Variants in APLP2 observed in about 807,000 individuals in gnomAD.
APLP2 encodes amyloid beta precursor like protein 2.
Under a neutral mutation model 89.9 loss-of-function variants are expected in APLP2, and 53 were observed. That is an observed-to-expected ratio of 0.59 (90% confidence interval 0.47 to 0.74). APLP2 has a LOEUF of 0.74. Among genes scored for constraint, APLP2 ranks in the 30% least tolerant of loss-of-function variants. APLP2 has a pLI of 0.00. For missense variants in APLP2, 973 were observed against 975.9 expected (o/e 1.00, Z 0.04); for synonymous variants, 372 against 348.6 (o/e 1.07, Z -0.75).
intron 13 of APLP2, among the ~76,000 whole-genome samples, chr11:130,140,060 G>A (rs1479142219): frequency 1.3e-5 from 2 of 152,142 alleles, no homozygotes; most frequent in African/African-American, 4.8e-5. Context: ...TCCTACGATG[G>A]TGTGTATTTC....
At position 130,118,219 on chromosome 11, in the gene APLP2, T is replaced by TA. The variant is rs1949425722; in HGVS notation, c.404-2486dup. ...TAAAGTGCATTAACTGTTGCTTAAA[T>TA]ATACATTGCTTTATGAGTATGGTTG... is the stretch of plus-strand genomic sequence containing the variant. On this transcript the variant is annotated intron_variant, in intron 3 of 16. Transcript: ENST00000338167. Among the ~76,000 whole-genome samples, 5 of 152,372 alleles carry TA rather than the reference T, an allele frequency of 3.3e-5. No individual in the cohort carries two copies. In the South Asian group the frequency reaches 1.0e-3, roughly 32 times the overall value.
chr11:130,116,965 A>G (rs1949257773), intron 3 of APLP2, among the ~76,000 whole-genome samples: 1 of 152,018 alleles, frequency 6.6e-6, no homozygotes, highest in Non-Finnish European at 1.5e-5. Flanking sequence ...CCCCGTCTCT[A>G]CTAAAAATAG....
chr11:130,114,804 C>T (rs1475586971), intron 3 of APLP2, among the ~76,000 whole-genome samples: 1 of 152,160 alleles, frequency 6.6e-6, no homozygotes, highest in Non-Finnish European at 1.5e-5. Flanking sequence ...GATATGAAAA[C>T]TACTAAAGTT....
intron 8 of APLP2, 150 bp downstream of exon 8, chr11:130,126,980 T>TTC: frequency 1.0e-6 from 1 of 977,202 alleles, no homozygotes; most frequent in Admixed American, 2.6e-5. Context: ...TGGAGCTGCC[T>TTC]TCTGGGTGGA....
chr11:130,128,628 C>T (rs1950618666), intron 9 of APLP2, among the ~76,000 whole-genome samples: 2 of 152,198 alleles, frequency 1.3e-5, no homozygotes, highest in African/African-American at 4.8e-5. Flanking sequence ...TTGCACTAAC[C>T]TAATGACAGG....
At chr11:130,134,929 G>A (rs1209146092) in intron 12 of APLP2, among the ~76,000 whole-genome samples, 1 of 152,212 alleles carries the variant, frequency 6.6e-6, no homozygotes, top group Non-Finnish European at 1.5e-5. Flanking sequence ...TGTTAAGATA[G>A]AAATTTCTGT....
rs943813249 is a variant in APLP2, at chr11:130,141,203, G to T, written c.1924-295G>T. 9.1e-6 allele frequency: 3 copies of T among 330,472 alleles called. No individual in the cohort carries two copies. The highest frequency in any genetic ancestry group is 1.7e-5 in the Non-Finnish European group (3 of 178,180). 20.5% of individuals were successfully genotyped at this position (330,472 alleles called of 1,614,324 possible). The stretch of plus-strand genomic sequence containing the variant: ...TTACAGGCGTGAGCCACCGCGCCTG[G>T]TGTAAACGGGGCTTTTTGGCAGTCT... On this transcript the variant is annotated intron_variant, in intron 14 of 16. Coordinates refer to ENST00000338167, the MANE Select transcript of APLP2 (RefSeq NM_001142276.2). The surrounding 1 kb of genome is among the most constrained non-coding windows in gnomAD (Gnocchi z 4.2).
At chr11:130,070,596 C>T (rs1402362677) in intron 1 of APLP2, 4 of 1,351,096 alleles carry the variant, frequency 3.0e-6, no homozygotes, top group African/African-American at 3.1e-5. Context: ...CGGCCCCGGC[C>T]TTCGCGCGCG....
intron 1 of APLP2, among the ~76,000 whole-genome samples, chr11:130,075,455 T>TA (rs566912869): frequency 6.6e-6 from 1 of 152,342 alleles, no homozygotes; most frequent in South Asian, 2.1e-4. Flanking sequence ...CTGTGCTAGA[T>TA]GCTAAACAGT....
chr11:130,129,210 A>G lies in APLP2; in HGVS notation c.1455+4A>G. Reference sequence around the variant, plus strand: ...CTTGCAGTCTGACCCGCCACGGGTGAGTCCTGCCCCTAGCACTGCCTGCCC... The same window carrying G: ...CTTGCAGTCTGACCCGCCACGGGTGGGTCCTGCCCCTAGCACTGCCTGCCC... On this transcript the variant is annotated splice_donor_region_variant and intron_variant, in intron 10 of 16. Transcript: ENST00000338167. 6.2e-7 allele frequency: 1 copy of G among 1,611,924 alleles called. No homozygotes were observed. The highest frequency in any genetic ancestry group is 1.1e-5 in the South Asian group (1 of 90,912).
At chr11:130,094,048 T>A (rs1342682534) in intron 1 of APLP2, among the ~76,000 whole-genome samples, 1 of 83,902 alleles carries the variant, frequency 1.2e-5, no homozygotes, top group Non-Finnish European at 2.3e-5. Flanking sequence ...CCCGGCCGTA[T>A]TTTTTTTTTT....
Position 130,134,669 on chromosome 11 carries a change from T to C in APLP2, c.1685-894T>C, listed in dbSNP as rs147043326. 3.6e-3 allele frequency among the ~76,000 whole-genome samples: 544 copies of C among 152,256 alleles called. 1 individual carries two copies. The highest frequency in any genetic ancestry group is 0.013 in the African/African-American group (521 of 41,524). On this transcript the variant is annotated intron_variant, in intron 12 of 16. Coordinates refer to ENST00000338167, the MANE Select transcript of APLP2 (RefSeq NM_001142276.2). ...CCAGCCAGGAAGCGATTTTAGAAAT[T>C]CAGGAGAGAGCTGTTGGGAGTATGC...
chr11:130,080,379 A>T (rs1942936929), intron 1 of APLP2, among the ~76,000 whole-genome samples: 1 of 150,694 alleles, frequency 6.6e-6, no homozygotes, highest in South Asian at 2.1e-4. Context: ...TAATTTTTGT[A>T]TTTTTAGTTG....
chr11:130,116,066 C>A (rs2135879242), intron 3 of APLP2, among the ~76,000 whole-genome samples: 1 of 151,850 alleles, frequency 6.6e-6, no homozygotes, highest in East Asian at 1.9e-4. Context: ...AACGTATGCT[C>A]CTCTGTTTAA....
At chr11:130,126,619 T>G in intron 7 of APLP2, 81 bp from the exon 8 acceptor site, 1 of 1,542,622 alleles carries the variant, frequency 6.5e-7, no homozygotes, top group South Asian at 1.1e-5. Flanking sequence ...GAGTCCATCC[T>G]GCAGGTCCTG....
chr11:130,075,720 C>G (rs572673541), intron 1 of APLP2, among the ~76,000 whole-genome samples: 1 of 152,140 alleles, frequency 6.6e-6, no homozygotes, highest in Non-Finnish European at 1.5e-5. Context: ...CAGTAGAGGC[C>G]GAGGGTTGAA....
intron 8 of APLP2, among the ~76,000 whole-genome samples, chr11:130,127,422 T>A (rs1023322441): frequency 6.6e-6 from 1 of 152,234 alleles, no homozygotes; most frequent in Non-Finnish European, 1.5e-5. Flanking sequence ...CAGTCCCATG[T>A]TGGGCTTACA....
At chr11:130,110,923 A>G (rs931000785) in intron 3 of APLP2, among the ~76,000 whole-genome samples, 3 of 152,150 alleles carry the variant, frequency 2.0e-5, no homozygotes, top group African/African-American at 7.2e-5. Context: ...GAGCAATTGC[A>G]CTTACGCCCT....
intron 1 of APLP2, among the ~76,000 whole-genome samples, chr11:130,102,472 A>G (rs984130482): frequency 3.9e-5 from 6 of 152,204 alleles, no homozygotes; most frequent in Non-Finnish European, 7.3e-5. Context: ...TTCTTCCACT[A>G]GTGGGATCAA....
Sources: allele counts gnomAD v4.1 joint callset (sites outside exome capture counted in the v4.1 genomes callset), GRCh38; gene constraint gnomAD v4.1.1; non-coding constraint Gnocchi (gnomAD v3.1); transcripts MANE v1.5; gene names NCBI Gene and HGNC (gene_info 2026-07-23, HGNC 2026-07-21).